The following OSBPL3 variants were observed in gnomAD, a reference collection of about 807,000 sequenced individuals.
The protein encoded by OSBPL3 is oxysterol-binding protein-related protein 3.
OSBPL3 carries 65 observed loss-of-function variants against 120.1 expected under a neutral mutation model. The ratio of observed to expected loss-of-function variants is 0.54; its 90% CI spans 0.44 to 0.67. OSBPL3 has a LOEUF of 0.67. Ranked by LOEUF, OSBPL3 falls within the 30% of genes least tolerant of loss-of-function variation. The pLI is 0.00. For synonymous variants in OSBPL3, 416 were observed against 402.6 expected, an observed-to-expected ratio of 1.03 and a Z score of -0.40; for missense variants, 1,004 against 1,082.1, an observed-to-expected ratio of 0.93 and a Z score of 1.01.
In OSBPL3 at chr7:24,806,153, C is replaced by T. The variant is rs969674265; in HGVS notation, c.2444+623G>A. 6.6e-6 allele frequency among the ~76,000 whole-genome samples: 1 copy of T among 152,180 alleles called. No individual in the cohort carries two copies. Among genetic ancestry groups the T allele is most frequent in the East Asian group, 1.9e-4 (1 of 5,196 alleles). ...TGTATTTTTAGTACAGACGGGGTTT[C>T]GCCATATTGGCCAGGCTGGTCTTGA... On this transcript the variant is annotated intron_variant, in intron 21 of 22. Transcript: ENST00000313367. The surrounding 1 kb of genome is among the most constrained non-coding windows in gnomAD (Gnocchi z 5.2).
In OSBPL3 at chr7:24,980,124, C is replaced by T; in HGVS notation, c.-388G>A. On this transcript the variant is annotated 5_prime_UTR_variant, in exon 1 of 23. Transcript: ENST00000313367. ...GCTCAAGTCCCCTCTCCCGGGCCGG[C>T]TGGCGGGCGCCACCAGCACGCGGCC... is the stretch of plus-strand genomic sequence containing the variant. 3.5e-6 allele frequency: 3 copies of T among 861,058 alleles called. No homozygotes were observed. Among genetic ancestry groups the T allele is most frequent in the Non-Finnish European group, 2.8e-6 (2 of 716,410 alleles). The allele number at this position is 861,058 out of a possible 1,614,324, so 53.3% of individuals were successfully genotyped here.
chr7:24,968,801 TTCAC>T lies in OSBPL3; in HGVS notation c.-150+11081_-150+11084del, dbSNP rs1816682699. On this transcript the variant is annotated intron_variant, in intron 1 of 22. Coordinates refer to ENST00000313367, the MANE Select transcript of OSBPL3 (RefSeq NM_015550.4). The surrounding 1 kb of genome is among the most constrained non-coding windows in gnomAD (Gnocchi z 4.6). ...TATATTATATATGGATATTCTATAC[TTCAC>T]TTTTTTCTTAACTTCACAATAAATC... Among the ~76,000 whole-genome samples the T allele has an allele frequency of 6.6e-6, 1 of 152,356 alleles. No homozygotes were observed. Among genetic ancestry groups the T allele is most frequent in the South Asian group, 2.1e-4 (1 of 4,830 alleles).
At position 24,872,157 on chromosome 7, in the gene OSBPL3, T is replaced by C; in HGVS notation, c.97-88A>G. On this transcript the variant is annotated intron_variant, in intron 2 of 22. Transcript: ENST00000313367. This position sits in a 1 kb window ranked among gnomAD's most constrained non-coding sequence, Gnocchi z 4.1. Reference sequence around the variant, plus strand: ...GCACTGCATCCTGTCAGTAAATTTATTCAAGATGGGGAGGCTGGCTGGGTT... The same window carrying C: ...GCACTGCATCCTGTCAGTAAATTTACTCAAGATGGGGAGGCTGGCTGGGTT... 1 of 943,808 alleles carries C rather than the reference T, an allele frequency of 1.1e-6. No individual in the cohort carries two copies. Among genetic ancestry groups the C allele is most frequent in the South Asian group, 1.4e-5 (1 of 72,770 alleles). 58.5% of individuals were successfully genotyped at this position (943,808 alleles called of 1,614,324 possible). A position where few individuals can be genotyped will look rare whatever the true frequency, so the allele number is the denominator to read the frequency against.
Position 24,842,286 on chromosome 7 carries a change from T to A in OSBPL3, c.1394A>T (p.Glu465Val). 1 of 1,613,102 alleles carries A rather than the reference T, an allele frequency of 6.2e-7. No homozygotes were observed. Among genetic ancestry groups the A allele is most frequent in the Non-Finnish European group, 8.5e-7 (1 of 1,179,858 alleles). ...QEVLLSPSSS[E>V]NEISDDDSYV... ...TGTAAACATTGCTCAAACCTCGTTTTCTGAAGAGCTTGGAGATAACAGAAC... is the reference window on the plus strand; with the variant it reads ...TGTAAACATTGCTCAAACCTCGTTTACTGAAGAGCTTGGAGATAACAGAAC... The change falls in exon 13 of 23, where the codon GAA becomes GTA. Residue 465 changes from glutamate (E) to valine (V), a missense_variant. Around this residue, in one of 4 missense-constraint regions of OSBPL3, gnomAD observed 473 missense variants for 568.0 expected, o/e 0.83. Transcript: ENST00000313367.
In OSBPL3 at chr7:24,972,693, T is replaced by A. The variant is rs1251534236; in HGVS notation, c.-150+7193A>T. 6.6e-6 allele frequency among the ~76,000 whole-genome samples: 1 copy of A among 152,170 alleles called. No homozygotes were observed. The highest frequency in any genetic ancestry group is 1.5e-5 in the Non-Finnish European group (1 of 68,024). On this transcript the variant is annotated intron_variant, in intron 1 of 22. Transcript: ENST00000313367. The surrounding 1 kb of genome is among the most constrained non-coding windows in gnomAD (Gnocchi z 4.3). Reference sequence around the variant, plus strand: ...CATCTACTTCAAATTTAATAAGAGTTGCTGAGATTAAAAAATATATACATA... The same window carrying A: ...CATCTACTTCAAATTTAATAAGAGTAGCTGAGATTAAAAAATATATACATA...
chr7:24,972,911 C>T lies in OSBPL3; in HGVS notation c.-150+6975G>A, dbSNP rs1277384782. Among the ~76,000 whole-genome samples the T allele has an allele frequency of 6.6e-6, 1 of 152,108 alleles. No individual in the cohort carries two copies. The highest frequency in any genetic ancestry group is 6.5e-5 in the Admixed American group (1 of 15,284). On this transcript the variant is annotated intron_variant, in intron 1 of 22. Transcript: ENST00000313367. The surrounding 1 kb of genome is among the most constrained non-coding windows in gnomAD (Gnocchi z 4.3). The stretch of plus-strand genomic sequence containing the variant: ...AATATTTGATATCAAGACAGGAAAC[C>T]AGTGTGGGAATCTTTACAAGTACTA...
At chr7:24,907,482 T>C (rs1044400178) in intron 1 of OSBPL3, among the ~76,000 whole-genome samples, 1 of 152,210 alleles carries the variant, frequency 6.6e-6, no homozygotes, top group Non-Finnish European at 1.5e-5. Context: ...ACACTCAGCA[T>C]AGTCCTTGCC....
Position 24,891,398 on chromosome 7 carries a change from CT to C in OSBPL3, c.96+978del, listed in dbSNP as rs1805330762. Among the ~76,000 whole-genome samples the C allele has an allele frequency of 1.3e-5, 2 of 152,160 alleles. No homozygotes were observed. Among genetic ancestry groups the C allele is most frequent in the Admixed American group, 1.3e-4 (2 of 15,272 alleles). ...AGGCAACGCTCAGTTGGACAGACCC[CT>C]GATGATGTGTCATAAACGTGTAGAC... On this transcript the variant is annotated intron_variant, in intron 2 of 22. Transcript: ENST00000313367. The surrounding 1 kb of genome is among the most constrained non-coding windows in gnomAD (Gnocchi z 4.1).
In OSBPL3 at chr7:24,870,884, G is replaced by T. The variant is rs766490531; in HGVS notation, c.268-39C>A. The T allele has an allele frequency of 5.5e-5, 70 of 1,275,452 alleles. 2 individuals are homozygous for T. In the East Asian group the frequency reaches 1.6e-3, roughly 29 times the overall value. 79.0% of individuals were successfully genotyped at this position (1,275,452 alleles called of 1,614,324 possible). On this transcript the variant is annotated intron_variant, in intron 4 of 22. Coordinates refer to ENST00000313367, the MANE Select transcript of OSBPL3 (RefSeq NM_015550.4). ...AAGAGGGTCACTTGGGGACCATGGT[G>T]TTAGAAGCAGTAGTCACATCCCTGA...
rs980186213 is a variant in OSBPL3 at position 24,824,442 on chromosome 7, A to G, written c.1885-4204T>C. Among the ~76,000 whole-genome samples, 7 of 152,206 alleles carry G rather than the reference A, an allele frequency of 4.6e-5. No individual in the cohort carries two copies. The highest frequency in any genetic ancestry group is 1.0e-4 in the Non-Finnish European group (7 of 68,032). On this transcript the variant is annotated intron_variant, in intron 16 of 22. Coordinates refer to ENST00000313367, the MANE Select transcript of OSBPL3 (RefSeq NM_015550.4). This position sits in a 1 kb window ranked among gnomAD's most constrained non-coding sequence, Gnocchi z 4.9. ...AGATTTAGAAAAGTAGCCCTTCAGT[A>G]CATCAGTTCTCCCCTGCAACTGCTC...
At chr7:24,926,204 T>C (rs918454849) in intron 1 of OSBPL3, among the ~76,000 whole-genome samples, 2 of 152,230 alleles carry the variant, frequency 1.3e-5, no homozygotes, top group African/African-American at 2.4e-5. Context: ...CTCCATTTCA[T>C]ACAAAGCTTT....
chr7:24,915,564 C>G (rs1302998209), intron 1 of OSBPL3, among the ~76,000 whole-genome samples: 1 of 151,886 alleles, frequency 6.6e-6, no homozygotes, highest in Non-Finnish European at 1.5e-5. Flanking sequence ...CACCATGTTG[C>G]CCACCAAACA....
intron 16 of OSBPL3, among the ~76,000 whole-genome samples, chr7:24,823,610 G>GA (rs760235533): frequency 2.0e-5 from 3 of 151,842 alleles, no homozygotes; most frequent in African/African-American, 7.3e-5. Context: ...GACATTTAGA[G>GA]AAAAAAAACT....
At chr7:24,889,447 C>A (rs1034726358) in intron 2 of OSBPL3, among the ~76,000 whole-genome samples, 1 of 151,314 alleles carries the variant, frequency 6.6e-6, no homozygotes, top group Non-Finnish European at 1.5e-5. Context: ...AATGTTCTTA[C>A]CACACACACA....
rs1180383261 is a variant in OSBPL3 at position 24,953,551 on chromosome 7, A to G, written c.-150+26335T>C. ...TTATTACTCTCAGTATGAAAACTAA[A>G]TAGATCATCAGAAAAAGAATTAGGC... On this transcript the variant is annotated intron_variant, in intron 1 of 22. Coordinates refer to ENST00000313367, the MANE Select transcript of OSBPL3 (RefSeq NM_015550.4). The surrounding 1 kb of genome is among the most constrained non-coding windows in gnomAD (Gnocchi z 4.3). Among the ~76,000 whole-genome samples the G allele has an allele frequency of 1.3e-5, 2 of 152,242 alleles. No homozygotes were observed. Among genetic ancestry groups the G allele is most frequent in the East Asian group, 3.8e-4 (2 of 5,200 alleles).
At chr7:24,919,058 C>T (rs1584620974) in intron 1 of OSBPL3, among the ~76,000 whole-genome samples, 1 of 152,086 alleles carries the variant, frequency 6.6e-6, no homozygotes, top group Admixed American at 6.5e-5. Flanking sequence ...TGATTCCATC[C>T]AAATCCACAC....
rs905016093 is a variant in OSBPL3, at chr7:24,867,223, T to C, written c.382-986A>G. The stretch of plus-strand genomic sequence containing the variant: ...TCTCTAATTCCAGCTTCTCTATCCC[T>C]ACTGAAAATATTAGCACCATTTTTC... On this transcript the variant is annotated intron_variant, in intron 5 of 22. Coordinates refer to ENST00000313367, the MANE Select transcript of OSBPL3 (RefSeq NM_015550.4). This position sits in a 1 kb window ranked among gnomAD's most constrained non-coding sequence, Gnocchi z 4.5. Among the ~76,000 whole-genome samples the C allele has an allele frequency of 6.6e-6, 1 of 152,250 alleles. No individual in the cohort carries two copies. The highest frequency in any genetic ancestry group is 1.5e-5 in the Non-Finnish European group (1 of 68,046).
chr7:24,892,488 T>C lies in OSBPL3; in HGVS notation c.-16A>G, dbSNP rs373956307. On this transcript the variant is annotated 5_prime_UTR_variant, in exon 2 of 23. Coordinates refer to ENST00000313367, the MANE Select transcript of OSBPL3 (RefSeq NM_015550.4). ...CACTCATCATGGACAGCAAGTCACT[T>C]GGCCTCGAGACAATCAAAATGCCAT... 1.9e-6 allele frequency: 3 copies of C among 1,609,540 alleles called. No individual in the cohort carries two copies. In the East Asian group the frequency reaches 6.7e-5, roughly 36 times the overall value.
At chr7:24,951,981 A>C (rs564362204) in intron 1 of OSBPL3, among the ~76,000 whole-genome samples, 4 of 152,300 alleles carry the variant, frequency 2.6e-5, no homozygotes, top group Non-Finnish European at 5.9e-5. Flanking sequence ...GACTGTAGAG[A>C]GCTCTAGTAC....
Sources: allele counts gnomAD v4.1 joint callset (sites outside exome capture counted in the v4.1 genomes callset), GRCh38; gene constraint gnomAD v4.1.1; regional missense constraint gnomAD v4.1.1; non-coding constraint Gnocchi (gnomAD v3.1); transcripts MANE v1.5; gene names NCBI Gene and HGNC (gene_info 2026-07-23, HGNC 2026-07-21).